The following SPIRE2 variants were observed in gnomAD, a reference collection of about 807,000 sequenced individuals.
The protein encoded by SPIRE2 is protein spire homolog 2.
A neutral mutation model predicts 80.7 loss-of-function variants in SPIRE2; 76 were observed. That is an observed-to-expected ratio of 0.94 (90% confidence interval 0.78 to 1.14). The LOEUF is 1.14. SPIRE2 is among the 50% of genes most tolerant of loss of function. SPIRE2 has a pLI of 0.00. For missense variants in SPIRE2, 1,196 were observed against 1,015.3 expected (o/e 1.18, Z -2.42); for synonymous variants, 535 against 432.6 (o/e 1.24, Z -2.94).
chr16:89,850,456 G>A lies in SPIRE2; in HGVS notation c.441G>A (p.Glu147=). ...ACAGCGGCTGCGGTGCCGCCGATGA[G>A]GGCTACGGGGGTCCCGAGGAGGAGG... The part of the protein sequence containing the change: ...SEDSGCGAAD[E]GYGGPEEEEE... Residue 147 remains glutamate, a synonymous_variant, in exon 3 of 15, where the codon GAG becomes GAA. Transcript: ENST00000378247. 2 of 1,561,524 alleles carry A rather than the reference G, an allele frequency of 1.3e-6. No homozygotes were observed. Among genetic ancestry groups the A allele is most frequent in the Non-Finnish European group, 1.7e-6 (2 of 1,155,410 alleles).
intron 2 of SPIRE2, chr16:89,845,656 G>A (rs769051000): frequency 1.3e-4 from 87 of 695,624 alleles, no homozygotes; most frequent in Non-Finnish European, 1.9e-4. Flanking sequence ...GCTGACGTCT[G>A]CAGGGCCGGC....
At chr16:89,836,837 A>T (rs1214225616) in intron 1 of SPIRE2, among the ~76,000 whole-genome samples, 2 of 151,594 alleles carry the variant, frequency 1.3e-5, no homozygotes, top group Admixed American at 6.6e-5. Flanking sequence ...AAAAAAGAAA[A>T]AAAGAAAGTT....
chr16:89,843,681 GTTTGTTTTTGTTTTTTGTTTTTT>G (rs2041526603), intron 1 of SPIRE2, among the ~76,000 whole-genome samples: 1 of 65,034 alleles, frequency 1.5e-5, no homozygotes, highest in African/African-American at 6.5e-5. Context: ...TTTTTTTTTT[GTTTGTTTTTGTTTTTTGTTTTTT>G]TTTTTTTTTT....
chr16:89,835,160 C>T (rs1048908949), intron 1 of SPIRE2, among the ~76,000 whole-genome samples: 9 of 151,370 alleles, frequency 5.9e-5, no homozygotes, highest in Non-Finnish European at 1.3e-4. Flanking sequence ...GGTTGGCCGT[C>T]GTAGAAGCGT....
At chr16:89,849,940 C>T (rs561258195) in intron 2 of SPIRE2, 19 of 375,574 alleles carry the variant, frequency 5.1e-5, no homozygotes, top group Non-Finnish European at 6.7e-5. Context: ...CAGGTTCAAG[C>T]GATTCTCCTG....
rs756310849 is a variant in SPIRE2, at chr16:89,859,369, T to C, written c.1462+15T>C. 3 of 1,519,212 alleles carry C rather than the reference T, an allele frequency of 2.0e-6. No homozygotes were observed. In the Admixed American group the frequency reaches 5.7e-5, roughly 29 times the overall value. 94.1% of individuals were successfully genotyped at this position (1,519,212 alleles called of 1,614,324 possible). On this transcript the variant is annotated intron_variant, in intron 9 of 14. Transcript: ENST00000378247. ...CCGAGACCAGGGCAAGTGCTGCTTC[T>C]CACCCCCGTACCCTCCTTCGCCCCC... is the stretch of plus-strand genomic sequence containing the variant.
At chr16:89,859,002 T>G (rs1217556460) in intron 8 of SPIRE2, among the ~76,000 whole-genome samples, 163 bp from the exon 9 acceptor site, 1 of 152,112 alleles carries the variant, frequency 6.6e-6, no homozygotes, top group Non-Finnish European at 1.5e-5. Context: ...CTCGGGTGCT[T>G]GCCACGAACT....
intron 2 of SPIRE2, among the ~76,000 whole-genome samples, chr16:89,847,790 G>T (rs969580088): frequency 6.6e-6 from 1 of 152,184 alleles, no homozygotes; most frequent in Non-Finnish European, 1.5e-5. Context: ...GGGAAAGCAA[G>T]TTTTTTGCTT....
intron 12 of SPIRE2, among the ~76,000 whole-genome samples, chr16:89,864,756 T>C (rs565196761): frequency 4.6e-5 from 7 of 152,216 alleles, no homozygotes; most frequent in Non-Finnish European, 8.8e-5. Flanking sequence ...AAGCAAGACC[T>C]GAAAGGATCA....
At chr16:89,840,284 C>A (rs1747547055) in intron 1 of SPIRE2, among the ~76,000 whole-genome samples, 1 of 143,594 alleles carries the variant, frequency 7.0e-6, no homozygotes, top group Non-Finnish European at 1.5e-5. Context: ...GAGTCTCGCT[C>A]TGTCGTCCAG....
At chr16:89,865,070 G>A (rs537851990) in intron 12 of SPIRE2, among the ~76,000 whole-genome samples, 3 of 145,774 alleles carry the variant, frequency 2.1e-5, no homozygotes, top group East Asian at 2.0e-4. Flanking sequence ...GCAGTGGCAC[G>A]ATCTTGGCTC....
chr16:89,855,822 G>A, intron 6 of SPIRE2, 136 bp downstream of exon 6: 1 of 966,292 alleles, frequency 1.0e-6, no homozygotes, highest in Non-Finnish European at 1.5e-6. Flanking sequence ...TCACGGGTGA[G>A]GCGGGCTGGC....
intron 13 of SPIRE2, among the ~76,000 whole-genome samples, chr16:89,869,302 G>A (rs111756097): frequency 5.3e-5 from 8 of 151,772 alleles, no homozygotes; most frequent in African/African-American, 1.9e-4. Context: ...AGCAGGAAAC[G>A]TGGCAGGTCC....
chr16:89,862,025 C>CT (rs1555599512), intron 10 of SPIRE2: 2 of 140,836 alleles, frequency 1.4e-5, no homozygotes, highest in Non-Finnish European at 1.5e-5. Context: ...TTTTTTGAGA[C>CT]AAGAGTCTGG....
At chr16:89,869,074 A>G (rs1441683331) in intron 13 of SPIRE2, among the ~76,000 whole-genome samples, 1 of 113,076 alleles carries the variant, frequency 8.8e-6, no homozygotes, top group Non-Finnish European at 1.8e-5. Context: ...ATATATATAT[A>G]TGTTACCCCT....
intron 2 of SPIRE2, among the ~76,000 whole-genome samples, chr16:89,848,028 G>A (rs2041580225): frequency 6.6e-6 from 1 of 152,204 alleles, no homozygotes; most frequent in African/African-American, 2.4e-5. Flanking sequence ...CACGCGACCA[G>A]GGACAGCACG....
At chr16:89,858,195 T>C in intron 7 of SPIRE2, 143 bp from the exon 8 acceptor site, 1 of 944,582 alleles carries the variant, frequency 1.1e-6, no homozygotes, top group Non-Finnish European at 1.5e-6. Context: ...TAGTTCCTCA[T>C]TTTTTTAAAT....
At chr16:89,842,649 A>C (rs1198539748) in intron 1 of SPIRE2, among the ~76,000 whole-genome samples, 1 of 152,258 alleles carries the variant, frequency 6.6e-6, no homozygotes, top group Non-Finnish European at 1.5e-5. Context: ...TAGTCTGTGA[A>C]GGCACTGAAG....
rs1207109064 is a variant in SPIRE2, at chr16:89,834,167, CGTCGT to C, written c.244+5374_244+5378del. Among the ~76,000 whole-genome samples, 334 of 141,108 alleles carry C rather than the reference CGTCGT, an allele frequency of 2.4e-3. 6 individuals are homozygous for C. Among genetic ancestry groups the C allele is most frequent in the Middle Eastern group, 4.4e-3 (1 of 228 alleles). 92.6% of individuals were successfully genotyped at this position (141,108 alleles called of 152,430 possible). On this transcript the variant is annotated intron_variant, in intron 1 of 14. Coordinates refer to ENST00000378247, the MANE Select transcript of SPIRE2 (RefSeq NM_032451.2). Reference sequence around the variant, plus strand: ...GAACCTGCCTGCGCTCGCGGTTGGCCGTCGTAGAAGCCTGGATAAGCATAGCCCGT... The same window carrying C: ...GAACCTGCCTGCGCTCGCGGTTGGCCAGAAGCCTGGATAAGCATAGCCCGT...
Sources: allele counts gnomAD v4.1 joint callset (sites outside exome capture counted in the v4.1 genomes callset), GRCh38; gene constraint gnomAD v4.1.1; transcripts MANE v1.5; gene names NCBI Gene and HGNC (gene_info 2026-07-23, HGNC 2026-07-21).